LRBA: variants seen among roughly 807,000 people sequenced by gnomAD.
LRBA encodes LPS responsive beige-like anchor protein, also known as lipopolysaccharide-responsive and beige-like anchor protein.
A neutral mutation model predicts 330.0 loss-of-function variants in LRBA; 176 were observed. The ratio of observed to expected loss-of-function variants is 0.53; its 90% CI spans 0.47 to 0.60. The LOEUF (loss-of-function observed/expected upper bound fraction) is 0.60. Among genes scored for constraint, LRBA ranks in the 20% least tolerant of loss-of-function variants. The pLI, the probability that LRBA is intolerant of heterozygous loss-of-function variation, is 0.00. For synonymous variants in LRBA, 1,230 were observed against 1,193.0 expected (o/e 1.03, Z -0.64); for missense variants, 3,259 against 3,444.8 (o/e 0.95, Z 1.35).
At chr4:150,715,724 T>G (rs1009106014) in intron 36 of LRBA, among the ~76,000 whole-genome samples, 2 of 152,208 alleles carry the variant, frequency 1.3e-5, no homozygotes, top group African/African-American at 2.4e-5. Flanking sequence ...CACTTGCCAA[T>G]GAGACCAGAA....
chr4:150,744,977 GAAGT>G (rs1213357048), intron 35 of LRBA, among the ~76,000 whole-genome samples: 3 of 152,204 alleles, frequency 2.0e-5, no homozygotes, highest in African/African-American at 7.2e-5. Flanking sequence ...CCCTGAAGAA[GAAGT>G]AAGTGGCTAT....
intron 37 of LRBA, among the ~76,000 whole-genome samples, chr4:150,656,402 G>T (rs555754263): frequency 1.3e-5 from 2 of 152,152 alleles, no homozygotes; most frequent in Non-Finnish European, 2.9e-5. Context: ...TGTTTGTGTT[G>T]TTGTGGGTTT....
At chr4:150,737,676 C>T (rs183087144) in intron 35 of LRBA, among the ~76,000 whole-genome samples, 1 of 152,006 alleles carries the variant, frequency 6.6e-6, no homozygotes, top group South Asian at 2.1e-4. Flanking sequence ...CTTTATCCAC[C>T]TAAATGAAGA....
At chr4:150,274,634 A>G (rs1746525240) in intron 56 of LRBA, among the ~76,000 whole-genome samples, 1 of 152,214 alleles carries the variant, frequency 6.6e-6, no homozygotes, top group Non-Finnish European at 1.5e-5. Flanking sequence ...TCACACAGAA[A>G]TACAAACTAC....
intron 47 of LRBA, among the ~76,000 whole-genome samples, chr4:150,377,954 G>C (rs1421187771): frequency 1.5e-5 from 2 of 130,152 alleles, no homozygotes; most frequent in African/African-American, 5.7e-5. Flanking sequence ...CTGGGGGACA[G>C]AGTGAGACTC....
chr4:150,661,416 G>A (rs959505733), intron 37 of LRBA, among the ~76,000 whole-genome samples: 2 of 147,824 alleles, frequency 1.4e-5, no homozygotes, highest in African/African-American at 2.5e-5. Context: ...GTTGCTGTGA[G>A]CCGAGATCGT....
chr4:150,522,942 C>T (rs1460940373), intron 40 of LRBA, among the ~76,000 whole-genome samples: 1 of 152,164 alleles, frequency 6.6e-6, no homozygotes, highest in Non-Finnish European at 1.5e-5. Context: ...AAAGACAGCA[C>T]CCACTAGAGC....
chr4:150,505,121 A>G (rs1177671890), intron 40 of LRBA, among the ~76,000 whole-genome samples: 2 of 152,204 alleles, frequency 1.3e-5, no homozygotes, highest in African/African-American at 4.8e-5. Flanking sequence ...CCACACAACA[A>G]TAATAATGGG....
At chr4:150,522,122 C>T (rs189958686) in intron 40 of LRBA, among the ~76,000 whole-genome samples, 155 of 152,154 alleles carry the variant, frequency 1.0e-3, no homozygotes, top group African/African-American at 3.5e-3. Flanking sequence ...CCTTAATGGG[C>T]TAAAACCAAA....
chr4:150,306,034 G>A (rs2126862622), intron 52 of LRBA, among the ~76,000 whole-genome samples: 1 of 151,794 alleles, frequency 6.6e-6, no homozygotes, highest in East Asian at 1.9e-4. Context: ...TCCCTTTTTT[G>A]ACAGAACAAA....
chr4:150,803,174 G>A (rs998729368), intron 33 of LRBA, among the ~76,000 whole-genome samples: 9 of 149,738 alleles, frequency 6.0e-5, no homozygotes, highest in African/African-American at 2.2e-4. Flanking sequence ...GATAAATATG[G>A]GCTGGGTATT....
intron 40 of LRBA, among the ~76,000 whole-genome samples, chr4:150,491,790 T>A (rs1014823295): frequency 1.3e-5 from 2 of 152,112 alleles, no homozygotes; most frequent in African/African-American, 2.4e-5. Context: ...TTGATTCAAG[T>A]TTTGTTTTTC....
At chr4:151,005,028 A>C (rs758438090) in intron 2 of LRBA, among the ~76,000 whole-genome samples, 6 of 152,156 alleles carry the variant, frequency 3.9e-5, no homozygotes, top group Non-Finnish European at 7.3e-5. Context: ...AAAGATAAGA[A>C]GTGGAGGAGA....
intron 40 of LRBA, among the ~76,000 whole-genome samples, chr4:150,493,720 C>T (rs890901168): frequency 1.3e-5 from 2 of 152,080 alleles, no homozygotes; most frequent in African/African-American, 2.4e-5. Flanking sequence ...ACCTAGTTTC[C>T]ATTGGTACTT....
chr4:150,264,508 C>CCAA lies in LRBA; in HGVS notation c.*1211_*1213dup, dbSNP rs1253388560. 6.6e-6 allele frequency: 1 copy of CCAA among 152,182 alleles called. No individual in the cohort carries two copies. Among genetic ancestry groups the CCAA allele is most frequent in the Non-Finnish European group, 1.5e-5 (1 of 68,034 alleles). 9.4% of individuals were successfully genotyped at this position (152,182 alleles called of 1,614,324 possible). A position where few individuals can be genotyped will look rare whatever the true frequency, so the allele number is the denominator to read the frequency against. ...AAATTTAGGAGCAAAAAAGGCATTT[C>CCAA]CAACAATTCAATTACAGATGCCATT... On this transcript the variant is annotated 3_prime_UTR_variant, in exon 57 of 57. Coordinates refer to ENST00000651943, the MANE Select transcript of LRBA (RefSeq NM_001364905.1).
intron 37 of LRBA, among the ~76,000 whole-genome samples, chr4:150,622,935 G>T (rs1242145568): frequency 6.6e-6 from 1 of 151,930 alleles, no homozygotes; most frequent in African/African-American, 2.4e-5. Flanking sequence ...CTGACCTCGT[G>T]ATCCACCCGC....
intron 30 of LRBA, among the ~76,000 whole-genome samples, chr4:150,819,158 A>C (rs1578883374): frequency 6.6e-6 from 1 of 151,958 alleles, no homozygotes; most frequent in Admixed American, 6.6e-5. Context: ...TGTTGAATGA[A>C]GTCTTATACT....
intron 48 of LRBA, among the ~76,000 whole-genome samples, chr4:150,340,042 T>G (rs761916486): frequency 2.0e-5 from 3 of 152,060 alleles, no homozygotes; most frequent in Non-Finnish European, 4.4e-5. Context: ...ATAACGGGCA[T>G]CCTCCTTCGC....
intron 2 of LRBA, among the ~76,000 whole-genome samples, chr4:150,987,144 C>T (rs1026482024): frequency 6.6e-6 from 1 of 152,086 alleles, no homozygotes; most frequent in Non-Finnish European, 1.5e-5. Flanking sequence ...TTGGCATTTC[C>T]AGCTAGAAAT....
Sources: allele counts gnomAD v4.1 joint callset (sites outside exome capture counted in the v4.1 genomes callset), GRCh38; gene constraint gnomAD v4.1.1; transcripts MANE v1.5; gene names NCBI Gene and HGNC (gene_info 2026-07-23, HGNC 2026-07-21).